The following CLCN5 variants were observed in gnomAD, a reference collection of about 807,000 sequenced individuals.
CLCN5 encodes the protein H(+)/Cl(-) exchange transporter 5.
In CLCN5, 17 loss-of-function variants were observed where a neutral mutation model predicts 54.0. That is an observed-to-expected ratio of 0.31 (90% confidence interval 0.22 to 0.47). The LOEUF (loss-of-function observed/expected upper bound fraction) is 0.47. Ranked by LOEUF, CLCN5 falls within the 20% of genes least tolerant of loss-of-function variation. The probability of loss-of-function intolerance (pLI) is 1.00; values close to 1 mark genes in which losing one functional copy is unlikely to be tolerated. For synonymous variants in CLCN5, 222 were observed against 233.0 expected, an observed-to-expected ratio of 0.95 and a Z score of 0.43; for missense variants, 448 against 646.7, an observed-to-expected ratio of 0.69 and a Z score of 3.33.
At chrX:50,074,481 A>G (rs782357666) in intron 6 of CLCN5, among the ~76,000 whole-genome samples, 2 of 112,002 alleles carry the variant, frequency 1.8e-5, no homozygotes, top group Non-Finnish European at 3.8e-5. Context: ...GCCAAACTGT[A>G]TAACATCATG....
intron 3 of CLCN5, among the ~76,000 whole-genome samples, chrX:49,927,542 C>T (rs1467203946): frequency 8.9e-6 from 1 of 112,096 alleles, no homozygotes; most frequent in Non-Finnish European, 1.9e-5. Flanking sequence ...AGTTCTACTC[C>T]ATTGGTTCTG....
chrX:50,008,014 T>A (rs1930290377), intron 3 of CLCN5, among the ~76,000 whole-genome samples: 1 of 112,007 alleles, frequency 8.9e-6, no homozygotes, highest in Non-Finnish European at 1.9e-5. Flanking sequence ...ACCTGAGAAC[T>A]TGTTAGAAAT....
chrX:49,983,164 G>C (rs926288423), intron 3 of CLCN5, among the ~76,000 whole-genome samples: 1 of 111,757 alleles, frequency 8.9e-6, no homozygotes, highest in Non-Finnish European at 1.9e-5. Flanking sequence ...CATGAATACA[G>C]CTGTGAGGAA....
At chrX:50,004,911 A>T (rs1930078748) in intron 3 of CLCN5, among the ~76,000 whole-genome samples, 1 of 111,532 alleles carries the variant, frequency 9.0e-6, no homozygotes, top group African/African-American at 3.3e-5. Flanking sequence ...GCTTCATCTC[A>T]AAAAGAAAAA....
At chrX:49,947,312 T>G (rs1557172307) in intron 3 of CLCN5, among the ~76,000 whole-genome samples, 2 of 109,890 alleles carry the variant, frequency 1.8e-5, no homozygotes, top group Admixed American at 9.7e-5. Context: ...TGAGACAGAG[T>G]GCTGGAGTGG....
chrX:49,930,644 C>A (rs1335406259), intron 3 of CLCN5, among the ~76,000 whole-genome samples: 1 of 111,183 alleles, frequency 9.0e-6, no homozygotes, highest in Admixed American at 9.6e-5. Context: ...TTTGAAGACC[C>A]CAAGTATACT....
At chrX:50,007,122 G>T (rs1174010562) in intron 3 of CLCN5, among the ~76,000 whole-genome samples, 1 of 111,751 alleles carries the variant, frequency 8.9e-6, no homozygotes, top group Non-Finnish European at 1.9e-5. Context: ...AGCTGTCTCG[G>T]CATTCTTCCC....
chrX:50,095,926 CTT>C lies in CLCN5; in HGVS notation c.*3708_*3709del, dbSNP rs2147619216. Reference sequence around the variant, plus strand: ...ATGCACTTGTTATCCCACACTATCTCTTGTTTTGTTTTGTTTTGTTTTTAAAT... The same window carrying C: ...ATGCACTTGTTATCCCACACTATCTCGTTTTGTTTTGTTTTGTTTTTAAAT... On this transcript the variant is annotated 3_prime_UTR_variant, in exon 15 of 15. Coordinates refer to ENST00000376091, the MANE Select transcript of CLCN5 (RefSeq NM_001127898.4). 1 of 112,539 alleles carries C rather than the reference CTT, an allele frequency of 8.9e-6. No individual in the cohort carries two copies. The highest frequency in any genetic ancestry group is 3.7e-4 in the South Asian group (1 of 2,722). 9.3% of individuals were successfully genotyped at this position (112,539 alleles called of 1,213,427 possible).
chrX:49,997,398 A>C (rs1929575589), intron 3 of CLCN5, among the ~76,000 whole-genome samples: 1 of 110,416 alleles, frequency 9.1e-6, no homozygotes, highest in Admixed American at 9.6e-5. Flanking sequence ...CTTGCCCCCC[A>C]CTTGTCCCTG....
chrX:50,056,989 C>T (rs782636021), intron 4 of CLCN5, among the ~76,000 whole-genome samples: 59 of 111,887 alleles, frequency 5.3e-4, no homozygotes, highest in Non-Finnish European at 8.8e-4. Flanking sequence ...CTTTGTTGTC[C>T]TTCCTGCGTG....
intron 7 of CLCN5, among the ~76,000 whole-genome samples, chrX:50,079,826 A>G (rs1933608426): frequency 9.0e-6 from 1 of 110,889 alleles, no homozygotes; most frequent in Admixed American, 9.6e-5. Context: ...ACCAAAGGGT[A>G]CAAATTTGCA....
intron 5 of CLCN5, 44 bp from the exon 6 acceptor site, chrX:50,072,445 A>C (rs1557191604): frequency 2.2e-6 from 2 of 915,081 alleles, no homozygotes; most frequent in Admixed American, 4.4e-5. Context: ...AAGTGAAAAA[A>C]TGGTGTGTGT....
chrX:50,015,339 T>C (rs1930733419), intron 3 of CLCN5, among the ~76,000 whole-genome samples: 1 of 109,914 alleles, frequency 9.1e-6, no homozygotes. Flanking sequence ...GAGTTTGAGC[T>C]TATAAGCTGC....
chrX:49,933,247 A>C (rs2147257549), intron 3 of CLCN5, among the ~76,000 whole-genome samples: 1 of 111,857 alleles, frequency 8.9e-6, no homozygotes, highest in African/African-American at 3.2e-5. Context: ...ATAAAGAAAT[A>C]AATTTAAAAA....
At chrX:49,986,010 C>T (rs1557178238) in intron 3 of CLCN5, among the ~76,000 whole-genome samples, 3 of 111,678 alleles carry the variant, frequency 2.7e-5, no homozygotes, top group African/African-American at 6.5e-5. Context: ...GAAAAGATAA[C>T]CTTAATTTCT....
chrX:49,977,218 C>T (rs1928522399), intron 3 of CLCN5, among the ~76,000 whole-genome samples: 1 of 110,535 alleles, frequency 9.0e-6, no homozygotes, highest in South Asian at 3.9e-4. Context: ...GGAATTGAAA[C>T]AGGCGCTGAG....
At chrX:50,079,267 T>A (rs1442348482) in intron 7 of CLCN5, among the ~76,000 whole-genome samples, 3 of 111,936 alleles carry the variant, frequency 2.7e-5, no homozygotes, top group Non-Finnish European at 5.6e-5. Context: ...TCTGAGGGCC[T>A]AAGATAATGG....
At chrX:49,983,630 G>A (rs1221056090) in intron 3 of CLCN5, among the ~76,000 whole-genome samples, 2 of 105,815 alleles carry the variant, frequency 1.9e-5, no homozygotes, top group African/African-American at 6.8e-5. Flanking sequence ...ATATATATGA[G>A]ATATATTAAA....
At chrX:50,011,095 C>G (rs1453578070) in intron 3 of CLCN5, among the ~76,000 whole-genome samples, 1 of 111,691 alleles carries the variant, frequency 9.0e-6, no homozygotes, top group Non-Finnish European at 1.9e-5. Flanking sequence ...AGAGACATGT[C>G]CTCACAGAGT....
Sources: gnomAD v4.1 joint callset for allele counts (sites outside exome capture counted in the v4.1 genomes callset) on GRCh38, gnomAD v4.1.1 for gene constraint, MANE v1.5 for transcripts, NCBI Gene and HGNC (gene_info 2026-07-23, HGNC 2026-07-21) for gene names.